MCRS1: variants seen among roughly 807,000 people sequenced by gnomAD.
MCRS1 encodes microspherule protein 1.
MCRS1 carries 22 observed loss-of-function variants against 62.9 expected under a neutral mutation model. That is an observed-to-expected ratio of 0.35 (90% confidence interval 0.25 to 0.50). MCRS1 has a LOEUF of 0.50. Ranked by LOEUF, MCRS1 falls within the 20% of genes least tolerant of loss-of-function variation. The pLI, the probability that MCRS1 is intolerant of heterozygous loss-of-function variation, is 0.98. For synonymous variants in MCRS1, 244 were observed against 233.5 expected, an observed-to-expected ratio of 1.04 and a Z score of -0.41; for missense variants, 456 against 601.1, an observed-to-expected ratio of 0.76 and a Z score of 2.52.
In MCRS1 at chr12:49,558,989, AGAAG is replaced by A. The variant is rs1346083547; in HGVS notation, c.1175-23_1175-20del. ...ATGACACCTGTGGAAGCAGAAAGAA[AGAAG>A]GGATGATGGGATGGGGAGGGATTGA... is the stretch of plus-strand genomic sequence containing the variant. On this transcript the variant is annotated intron_variant, in intron 13 of 14. Transcript: ENST00000343810. 4 of 1,609,864 alleles carry A rather than the reference AGAAG, an allele frequency of 2.5e-6. No individual in the cohort carries two copies. In the African/African-American group the frequency reaches 4.0e-5, roughly 16 times the overall value.
At position 49,564,837 on chromosome 12, in the gene MCRS1, G is replaced by A; in HGVS notation, c.347C>T (p.Thr116Ile). The A allele has an allele frequency of 1.2e-6, 2 of 1,614,056 alleles. No homozygotes were observed. Among genetic ancestry groups the A allele is most frequent in the Non-Finnish European group, 1.7e-6 (2 of 1,179,956 alleles). Residue 116 changes from threonine (T) to isoleucine (I), a missense_variant, in exon 5 of 15, where the codon ACC becomes ATC. By Grantham distance (89) the Thr-to-Ile change is moderately conservative. Coordinates refer to ENST00000343810, the MANE Select transcript of MCRS1 (RefSeq NM_006337.5). Reference protein sequence around the residue: ...PPSPAPAPGLTKRVKKSKQPL... With the variant: ...PPSPAPAPGLIKRVKKSKQPL... Reference sequence around the variant, plus strand: ...CTGTTTACTCTTCTTCACACGCTTGGTGAGTCCAGGGGCTGGGGCTGGGCT... The same window carrying A: ...CTGTTTACTCTTCTTCACACGCTTGATGAGTCCAGGGGCTGGGGCTGGGCT...
Position 49,563,035 on chromosome 12 carries a change from G to C in MCRS1, c.771C>G (p.Leu257=). ...TAKALQAHWQ[L]MKQYYLLEDQ... ...CCTCCAGCAGGTAATACTGCTTCAT[G>C]AGCTGCCAGTGGGCCTGCAGGGCCT... is the stretch of plus-strand genomic sequence containing the variant. Residue 257 remains leucine, a synonymous_variant, in exon 8 of 15, where the codon CTC becomes CTG. Transcript: ENST00000343810. 1 of 1,591,052 alleles carries C rather than the reference G, an allele frequency of 6.3e-7. No homozygotes were observed. The highest frequency in any genetic ancestry group is 8.6e-7 in the Non-Finnish European group (1 of 1,166,786).
At chr12:49,564,976 CTG>C (rs1391957838) in intron 4 of MCRS1, 81 bp from the exon 5 acceptor site, 1 of 1,487,930 alleles carries the variant, frequency 6.7e-7, no homozygotes, top group African/African-American at 1.4e-5. Context: ...TTCACATACT[CTG>C]TGGCAGCGGC....
chr12:49,563,032 C>T lies in MCRS1; in HGVS notation c.774G>A (p.Met258Ile). ...GGTCCTCCAGCAGGTAATACTGCTT[C>T]ATGAGCTGCCAGTGGGCCTGCAGGG... ...AKALQAHWQL[M>I]KQYYLLEDQT... Residue 258 changes from methionine (M) to isoleucine (I), a missense_variant, in exon 8 of 15, where the codon ATG (methionine) becomes ATA (isoleucine). Physicochemically the swap from Met to Ile is conservative, Grantham distance 10. Transcript: ENST00000343810. 6.3e-7 allele frequency: 1 copy of T among 1,591,274 alleles called. No homozygotes were observed. The highest frequency in any genetic ancestry group is 8.6e-7 in the Non-Finnish European group (1 of 1,166,918).
intron 6 of MCRS1, 106 bp downstream of exon 6, chr12:49,564,375 C>T: frequency 1.1e-6 from 1 of 919,710 alleles, no homozygotes; most frequent in South Asian, 1.7e-5. Context: ...TCCAGGAGTC[C>T]TGCCTCCCAG....
intron 3 of MCRS1, 109 bp downstream of exon 3, chr12:49,565,968 C>A: frequency 1.4e-6 from 2 of 1,456,690 alleles, no homozygotes; most frequent in Admixed American, 2.1e-5. Context: ...AATACTAAGG[C>A]CCCAGAGGGG....
chr12:49,560,185 G>C lies in MCRS1; in HGVS notation c.881+110C>G, dbSNP rs546355145. On this transcript the variant is annotated intron_variant, in intron 9 of 14. Coordinates refer to ENST00000343810, the MANE Select transcript of MCRS1 (RefSeq NM_006337.5). ...GAGGGGAGGGGGCTCAGCCAGGGGG[G>C]GCCAAGCACCAACGGGAGCCCAAGG... The C allele has an allele frequency of 3.1e-6, 4 of 1,303,732 alleles. No individual in the cohort carries two copies. The African/African-American group carries it at 4.4e-5, about 14-fold the overall frequency. The allele number at this position is 1,303,732 out of a possible 1,614,324, so 80.8% of individuals were successfully genotyped here.
At chr12:49,561,087 A>AC (rs1345438286) in intron 8 of MCRS1, among the ~76,000 whole-genome samples, 5 of 152,212 alleles carry the variant, frequency 3.3e-5, no homozygotes, top group African/African-American at 1.2e-4. Context: ...GAAGTCGGGA[A>AC]CAGTGGTGTG....
chr12:49,559,815 A>G lies in MCRS1; in HGVS notation c.917T>C (p.Met306Thr). 2 of 1,614,154 alleles carry G rather than the reference A, an allele frequency of 1.2e-6. No individual in the cohort carries two copies. Among genetic ancestry groups the G allele is most frequent in the Non-Finnish European group, 1.7e-6 (2 of 1,180,024 alleles). ...TCGCTTCTGGCGCCGGTCAGCCACC[A>G]TCAGCTCTGGGGTGAGGTGGGGTGG... ...MRDEVLEHEL[M>T]VADRRQKREI... The change falls in exon 11 of 15, where the codon ATG becomes ACG. Residue 306 changes from methionine to threonine, a missense_variant. Coordinates refer to ENST00000343810, the MANE Select transcript of MCRS1 (RefSeq NM_006337.5). The surrounding 1 kb of genome is among the most constrained non-coding windows in gnomAD (Gnocchi z 5.2).
chr12:49,562,360 C>T lies in MCRS1; in HGVS notation c.805+641G>A, dbSNP rs79612149. Among the ~76,000 whole-genome samples, 897 of 152,280 alleles carry T rather than the reference C, an allele frequency of 5.9e-3. 7 individuals are homozygous for T. Among genetic ancestry groups the T allele is most frequent in the African/African-American group, 0.02 (837 of 41,532 alleles). Reference sequence around the variant, plus strand: ...CAGTTTAATCACACTGTTTTCTTACCCCATCACTGGGAGAGTGAGTGCTGT... The same window carrying T: ...CAGTTTAATCACACTGTTTTCTTACTCCATCACTGGGAGAGTGAGTGCTGT... On this transcript the variant is annotated intron_variant, in intron 8 of 14. Transcript: ENST00000343810.
At chr12:49,566,581 G>A (rs572701908) in intron 2 of MCRS1, 141 bp downstream of exon 2, 135 of 1,482,506 alleles carry the variant, frequency 9.1e-5, no homozygotes, top group South Asian at 2.2e-4. Flanking sequence ...TGGCTCTGCC[G>A]ACAGGTACAT....
intron 4 of MCRS1, 97 bp from the exon 5 acceptor site, chr12:49,564,992 C>T: frequency 6.9e-7 from 1 of 1,453,824 alleles, no homozygotes; most frequent in Non-Finnish European, 9.1e-7. Flanking sequence ...CAGCGGCAGC[C>T]CCAGCCCCAG....
At position 49,568,042 on chromosome 12, in the gene MCRS1, T is replaced by A. The variant is rs1372189626; in HGVS notation, c.-111+6A>T. The A allele has an allele frequency of 3.3e-5, 5 of 151,748 alleles. No homozygotes were observed. The highest frequency in any genetic ancestry group is 2.0e-4 in the Admixed American group (3 of 15,258). 9.4% of individuals were successfully genotyped at this position (151,748 alleles called of 1,614,324 possible). On this transcript the variant is annotated splice_donor_region_variant and intron_variant, in intron 1 of 14. Coordinates refer to ENST00000343810, the MANE Select transcript of MCRS1 (RefSeq NM_006337.5). The stretch of plus-strand genomic sequence containing the variant: ...GAACCCTCAGAGGCGAACCGCGAGG[T>A]CTCACCATTCCTAGACTGCCAGATC...
chr12:49,562,973 C>G (rs747033112), intron 8 of MCRS1, 28 bp downstream of exon 8: 1 of 1,587,714 alleles, frequency 6.3e-7, no homozygotes, highest in South Asian at 1.1e-5. Context: ...TGCACACACC[C>G]CCATTCTGCC....
chr12:49,565,812 CCAT>C, intron 3 of MCRS1, 145 bp from the exon 4 acceptor site: 1 of 1,224,152 alleles, frequency 8.2e-7, no homozygotes, highest in Non-Finnish European at 1.2e-6. Flanking sequence ...CTGGTTGTGG[CCAT>C]GGAACTGCTA....
intron 9 of MCRS1, 117 bp downstream of exon 9, chr12:49,560,178 C>G: frequency 7.9e-7 from 1 of 1,273,196 alleles, no homozygotes; most frequent in South Asian, 1.2e-5. Context: ...GGGGCTCAGC[C>G]AGGGGGGGCC....
Position 49,559,565 on chromosome 12 carries a change from A to ACC in MCRS1, c.1004-32_1004-31dup. The ACC allele has an allele frequency of 6.2e-7, 1 of 1,605,780 alleles. No homozygotes were observed. The highest frequency in any genetic ancestry group is 1.3e-5 in the African/African-American group (1 of 74,950). ...GAGAAGAGGGAGTTTGGAAGAGCCT[A>ACC]CCCCTGAGGGCCAGAATGCAAGGCA... On this transcript the variant is annotated intron_variant, in intron 11 of 14. Coordinates refer to ENST00000343810, the MANE Select transcript of MCRS1 (RefSeq NM_006337.5). The surrounding 1 kb of genome is among the most constrained non-coding windows in gnomAD (Gnocchi z 5.2).
At chr12:49,564,402 TG>T in intron 6 of MCRS1, 78 bp downstream of exon 6, 1 of 1,240,202 alleles carries the variant, frequency 8.1e-7, no homozygotes, top group Non-Finnish European at 1.1e-6. Context: ...CCTGGGGCCC[TG>T]GTACAATTCC....
intron 3 of MCRS1, 60 bp from the exon 4 acceptor site, chr12:49,565,727 C>A (rs775945991): frequency 1.3e-5 from 21 of 1,611,378 alleles, no homozygotes; most frequent in Admixed American, 3.3e-5. Context: ...ATTCACACAC[C>A]CCCAGCCCCC....
Sources: allele counts gnomAD v4.1 joint callset (sites outside exome capture counted in the v4.1 genomes callset), GRCh38; gene constraint gnomAD v4.1.1; non-coding constraint Gnocchi (gnomAD v3.1); transcripts MANE v1.5; gene names NCBI Gene and HGNC (gene_info 2026-07-23, HGNC 2026-07-21).